Variants in SSH2 observed in about 807,000 individuals in gnomAD.
SSH2 encodes the protein slingshot protein phosphatase 2, also known as protein phosphatase Slingshot homolog 2.
In SSH2, 37 loss-of-function variants were observed where a neutral mutation model predicts 135.2. That is an observed-to-expected ratio of 0.27 (90% CI 0.21 to 0.36). The LOEUF is 0.36. Among genes scored for constraint, SSH2 ranks in the 10% least tolerant of loss-of-function variants. The pLI is 1.00. For synonymous variants in SSH2, 628 were observed against 646.2 expected (o/e 0.97, Z 0.43); for missense variants, 1,408 against 1,765.3 (o/e 0.80, Z 3.63).
intron 3 of SSH2, among the ~76,000 whole-genome samples, chr17:29,789,852 G>T (rs1567975863): frequency 6.6e-6 from 1 of 152,298 alleles, no homozygotes; most frequent in East Asian, 1.9e-4. Flanking sequence ...GGACCTATCA[G>T]TCCTACTTTC....
chr17:29,888,751 T>C (rs1345286431), intron 1 of SSH2, among the ~76,000 whole-genome samples: 2 of 143,870 alleles, frequency 1.4e-5, no homozygotes, highest in Non-Finnish European at 3.0e-5. Context: ...CTGGGTAACA[T>C]GGCAAAATCA....
At chr17:29,818,367 G>T (rs1037858028) in intron 2 of SSH2, among the ~76,000 whole-genome samples, 6 of 151,536 alleles carry the variant, frequency 4.0e-5, no homozygotes, top group Non-Finnish European at 5.9e-5. Context: ...TCCTGCCTCA[G>T]CCTCCCGAGT....
intron 3 of SSH2, among the ~76,000 whole-genome samples, chr17:29,770,612 A>G (rs2041561530): frequency 6.6e-6 from 1 of 151,932 alleles, no homozygotes; most frequent in South Asian, 2.1e-4. Flanking sequence ...AGCTGGGACT[A>G]CAGGTGTGCA....
intron 3 of SSH2, among the ~76,000 whole-genome samples, chr17:29,722,146 G>T (rs2039842732): frequency 6.6e-6 from 1 of 151,876 alleles, no homozygotes. Flanking sequence ...ATGGTGGCCG[G>T]CACCTGTAAT....
intron 2 of SSH2, among the ~76,000 whole-genome samples, chr17:29,823,437 T>C (rs2042687949): frequency 6.6e-6 from 1 of 152,164 alleles, no homozygotes; most frequent in Non-Finnish European, 1.5e-5. Flanking sequence ...GATGCCTTCC[T>C]TACATTCCTC....
chr17:29,844,639 C>T (rs949370905), intron 2 of SSH2, among the ~76,000 whole-genome samples: 17 of 152,254 alleles, frequency 1.1e-4, no homozygotes, highest in African/African-American at 4.1e-4. Context: ...TTCTCTGTGA[C>T]TTCTTCCAGT....
intron 1 of SSH2, among the ~76,000 whole-genome samples, chr17:29,881,365 A>T (rs2066134121): frequency 6.6e-6 from 1 of 152,220 alleles, no homozygotes. Context: ...AGTGAAAAGG[A>T]GAAATCAAAA....
At chr17:29,762,951 A>C (rs1598960380) in intron 3 of SSH2, among the ~76,000 whole-genome samples, 1 of 152,378 alleles carries the variant, frequency 6.6e-6, no homozygotes, top group East Asian at 1.9e-4. Context: ...CTAACCAATT[A>C]GATTAAAATT....
chr17:29,922,924 T>G lies in SSH2; in HGVS notation c.63+7014A>C, dbSNP rs548016484. Among the ~76,000 whole-genome samples, 8 of 152,234 alleles carry G rather than the reference T, an allele frequency of 5.3e-5. No individual in the cohort carries two copies. The East Asian group carries it at 1.3e-3, about 26-fold the overall frequency. ...AACAGAAGTCTTTAAAAAAATTGGG[T>G]TTTTTTGACGGAGTCATGCTCTGTT... is the stretch of plus-strand genomic sequence containing the variant. On this transcript the variant is annotated intron_variant, in intron 1 of 15. Transcript: ENST00000540801.
intron 3 of SSH2, among the ~76,000 whole-genome samples, chr17:29,745,737 T>G (rs1336908807): frequency 6.6e-6 from 1 of 152,228 alleles, no homozygotes; most frequent in Non-Finnish European, 1.5e-5. Flanking sequence ...ATAATTTGGC[T>G]CATATCAAAA....
At chr17:29,792,310 G>T (rs766672722) in intron 3 of SSH2, among the ~76,000 whole-genome samples, 1 of 152,030 alleles carries the variant, frequency 6.6e-6, no homozygotes. Context: ...AGTGGATATT[G>T]AGTCAATATA....
chr17:29,905,958 G>A (rs1219874821), intron 1 of SSH2, among the ~76,000 whole-genome samples: 1 of 152,130 alleles, frequency 6.6e-6, no homozygotes, highest in Non-Finnish European at 1.5e-5. Context: ...TGCCTGCAGA[G>A]AAGAACTACC....
At chr17:29,641,882 T>A (rs1312784774) in intron 14 of SSH2, among the ~76,000 whole-genome samples, 1 of 150,936 alleles carries the variant, frequency 6.6e-6, no homozygotes, top group East Asian at 1.9e-4. Flanking sequence ...AGCATGATGA[T>A]CACTCCTAGA....
intron 1 of SSH2, among the ~76,000 whole-genome samples, chr17:29,926,803 A>G (rs1160369138): frequency 6.6e-6 from 1 of 152,110 alleles, no homozygotes; most frequent in African/African-American, 2.4e-5. Context: ...TGGTGTACAC[A>G]ATTTCTCTTC....
chr17:29,795,204 C>T (rs1349685989), intron 2 of SSH2, among the ~76,000 whole-genome samples: 1 of 152,154 alleles, frequency 6.6e-6, no homozygotes, highest in Non-Finnish European at 1.5e-5. Context: ...AATACCATGC[C>T]CAGCTGCAAT....
At chr17:29,709,052 A>AGAGAGAGAGAGAGCGCGC (rs1491229455) in intron 3 of SSH2, among the ~76,000 whole-genome samples, 10 of 144,600 alleles carry the variant, frequency 6.9e-5, no homozygotes, top group African/African-American at 2.6e-4. Context: ...AGAGAGAGAG[A>AGAGAGAGAGAGAGCGCGC]GCTAATAATA....
intron 2 of SSH2, among the ~76,000 whole-genome samples, chr17:29,802,341 G>A (rs1316594764): frequency 2.0e-5 from 3 of 152,050 alleles, no homozygotes; most frequent in Non-Finnish European, 4.4e-5. Context: ...AAATTATAAC[G>A]ATATGTCATT....
intron 3 of SSH2, among the ~76,000 whole-genome samples, chr17:29,708,602 A>C (rs1196611601): frequency 2.0e-5 from 3 of 151,616 alleles, no homozygotes; most frequent in South Asian, 2.1e-4. Context: ...AAAAAAAAAA[A>C]AAAAACAAAC....
At chr17:29,817,141 A>G (rs1383833709) in intron 2 of SSH2, among the ~76,000 whole-genome samples, 2 of 152,220 alleles carry the variant, frequency 1.3e-5, no homozygotes, top group African/African-American at 2.4e-5. Context: ...AGCATCATGC[A>G]TTGTCAGCTT....
Sources: gnomAD v4.1 joint callset for allele counts (sites outside exome capture counted in the v4.1 genomes callset) on GRCh38, gnomAD v4.1.1 for gene constraint, MANE v1.5 for transcripts, NCBI Gene and HGNC (gene_info 2026-07-23, HGNC 2026-07-21) for gene names.